FBXO36: variants seen among roughly 807,000 people sequenced by gnomAD.
The protein encoded by FBXO36 is F-box protein 36.
A neutral mutation model predicts 17.0 loss-of-function variants in FBXO36; 18 were observed. That is an observed-to-expected ratio of 1.06 (90% CI 0.73 to 1.57). The LOEUF is 1.57. Ranked by LOEUF, FBXO36 falls within the 40% of genes most tolerant of loss-of-function variation. FBXO36 has a pLI of 0.00. For synonymous variants in FBXO36, 83 were observed against 85.3 expected, an observed-to-expected ratio of 0.97 and a Z score of 0.15; for missense variants, 229 against 221.9, an observed-to-expected ratio of 1.03 and a Z score of -0.20.
chr2:229,994,617 G>C (rs1232451421), intron 2 of FBXO36, among the ~76,000 whole-genome samples: 2 of 152,180 alleles, frequency 1.3e-5, no homozygotes, highest in Non-Finnish European at 2.9e-5. Flanking sequence ...GGTTCAGGTT[G>C]AATAGGGAAG....
At chr2:229,975,408 A>G (rs1007947704) in intron 1 of FBXO36, among the ~76,000 whole-genome samples, 2 of 152,006 alleles carry the variant, frequency 1.3e-5, no homozygotes, top group African/African-American at 4.8e-5. Flanking sequence ...ATTCTCAGAC[A>G]TCTTCCGGAA....
chr2:229,972,641 G>A (rs1009584759), intron 1 of FBXO36, among the ~76,000 whole-genome samples: 2 of 151,724 alleles, frequency 1.3e-5, no homozygotes, highest in Non-Finnish European at 2.9e-5. Flanking sequence ...TCATCCCACC[G>A]ACATTCAGTG....
chr2:229,974,211 T>TA (rs1172620074), intron 1 of FBXO36, among the ~76,000 whole-genome samples: 3 of 151,890 alleles, frequency 2.0e-5, no homozygotes, highest in Non-Finnish European at 4.4e-5. Context: ...AGGTTATACA[T>TA]AAAAAAAAGC....
At chr2:230,010,135 C>T (rs1361420202) in intron 3 of FBXO36, among the ~76,000 whole-genome samples, 1 of 151,970 alleles carries the variant, frequency 6.6e-6, no homozygotes, top group African/African-American at 2.4e-5. Flanking sequence ...GTGGCGCATG[C>T]CTGTAATCCC....
Position 229,976,347 on chromosome 2 carries a change from A to C in FBXO36, c.203A>C (p.Gln68Pro). 6.2e-7 allele frequency: 1 copy of C among 1,606,184 alleles called. No individual in the cohort carries two copies. The highest frequency in any genetic ancestry group is 1.1e-5 in the South Asian group (1 of 90,916). The change falls in exon 2 of 4, where the codon CAA (glutamine) becomes CCA (proline). Residue 68 changes from glutamine to proline, a missense_variant and splice_region_variant. Transcript: ENST00000283946. ...HEDFLENSHL[Q>P]GQTALIFGAR... ...GACTTCCTAGAGAATTCACATCTTC[A>C]AGGTAAGGAACGGAACATATTATAT...
At chr2:229,980,953 G>T (rs977851524) in intron 2 of FBXO36, among the ~76,000 whole-genome samples, 4 of 152,118 alleles carry the variant, frequency 2.6e-5, no homozygotes, top group African/African-American at 9.7e-5. Flanking sequence ...CCAAACCATG[G>T]TGTTGGTAGT....
At chr2:229,981,701 CAAAA>C (rs11326626) in intron 2 of FBXO36, among the ~76,000 whole-genome samples, 8 of 103,194 alleles carry the variant, frequency 7.8e-5, no homozygotes, top group Non-Finnish European at 1.2e-4. Flanking sequence ...GACCCTGTCT[CAAAA>C]AAAAAAAAAA....
At chr2:230,002,422 T>A (rs1192563273) in intron 3 of FBXO36, among the ~76,000 whole-genome samples, 1 of 151,890 alleles carries the variant, frequency 6.6e-6, no homozygotes, top group Non-Finnish European at 1.5e-5. Context: ...CTTGCTTTGT[T>A]ACACAGTCTG....
chr2:230,010,581 C>T (rs1163056157), intron 3 of FBXO36, 115 bp from the exon 4 acceptor site: 5 of 903,450 alleles, frequency 5.5e-6, no homozygotes, highest in Non-Finnish European at 8.2e-6. Flanking sequence ...TTTCTCAAGG[C>T]AGGACCTGTG....
At chr2:229,927,010 C>G (rs2076916083) in intron 1 of FBXO36, among the ~76,000 whole-genome samples, 1 of 151,938 alleles carries the variant, frequency 6.6e-6, no homozygotes, top group South Asian at 2.1e-4. Flanking sequence ...CAGGCACCCG[C>G]CACCATGCCC....
At chr2:229,954,845 C>T (rs1360834292) in intron 1 of FBXO36, among the ~76,000 whole-genome samples, 1 of 150,600 alleles carries the variant, frequency 6.6e-6, no homozygotes, top group African/African-American at 2.4e-5. Context: ...CCATGCCTGG[C>T]GTTTTTTGTT....
At chr2:229,978,595 A>G (rs1258908372) in intron 2 of FBXO36, among the ~76,000 whole-genome samples, 1 of 151,898 alleles carries the variant, frequency 6.6e-6, no homozygotes, top group East Asian at 1.9e-4. Context: ...CTCAAAAAAT[A>G]ATAATAATAA....
chr2:229,985,867 A>T (rs1328958781), intron 2 of FBXO36, among the ~76,000 whole-genome samples: 2 of 151,920 alleles, frequency 1.3e-5, no homozygotes, highest in African/African-American at 4.8e-5. Context: ...TGGGCAACAT[A>T]GTGAGACACT....
At chr2:229,974,551 T>G (rs35069102) in intron 1 of FBXO36, among the ~76,000 whole-genome samples, 3 of 152,124 alleles carry the variant, frequency 2.0e-5, no homozygotes, top group Non-Finnish European at 2.9e-5. Context: ...GCCAACAGAT[T>G]GTACAGGCAT....
intron 1 of FBXO36, among the ~76,000 whole-genome samples, chr2:229,950,665 G>A (rs1413011946): frequency 4.6e-5 from 7 of 151,736 alleles, no homozygotes; most frequent in East Asian, 1.9e-4. Context: ...AGCAATGGCC[G>A]AACAGTGGGT....
chr2:229,994,394 A>G (rs2077314256), intron 2 of FBXO36, among the ~76,000 whole-genome samples: 1 of 152,154 alleles, frequency 6.6e-6, no homozygotes, highest in African/African-American at 2.4e-5. Flanking sequence ...CTATTTCTGT[A>G]TTAATGCCTT....
chr2:229,971,207 T>G (rs2077178358), intron 1 of FBXO36, among the ~76,000 whole-genome samples: 1 of 151,758 alleles, frequency 6.6e-6, no homozygotes, highest in Admixed American at 6.6e-5. Context: ...TATAAAAAAT[T>G]AGCCAGGCAT....
At position 229,922,679 on chromosome 2, in the gene FBXO36, G is replaced by A. The variant is rs1267879996; in HGVS notation, c.96+70G>A. The A allele has an allele frequency of 3.3e-6, 5 of 1,513,742 alleles. No homozygotes were observed. In the East Asian group the frequency reaches 1.2e-4, roughly 35 times the overall value. 93.8% of individuals were successfully genotyped at this position (1,513,742 alleles called of 1,614,324 possible). ...GGCCCGGTTGGGGCCCGGGACGCAG[G>A]CTGTGCTAGGCCAAGAGCAACCGTA... On this transcript the variant is annotated intron_variant, in intron 1 of 3. Transcript: ENST00000283946.
At chr2:229,980,182 C>G (rs1027833496) in intron 2 of FBXO36, among the ~76,000 whole-genome samples, 4 of 151,860 alleles carry the variant, frequency 2.6e-5, no homozygotes, top group African/African-American at 9.7e-5. Flanking sequence ...CCGCCCCTGC[C>G]CCTGAATAGC....
Sources: allele counts gnomAD v4.1 joint callset (sites outside exome capture counted in the v4.1 genomes callset), GRCh38; gene constraint gnomAD v4.1.1; transcripts MANE v1.5; gene names NCBI Gene and HGNC (gene_info 2026-07-23, HGNC 2026-07-21).